The following RTN1 variants were observed in gnomAD, a reference collection of about 807,000 sequenced individuals.
The protein encoded by RTN1 is reticulon-1.
RTN1 carries 25 observed loss-of-function variants against 65.5 expected under a neutral mutation model. That is an observed-to-expected ratio of 0.38 (90% confidence interval 0.28 to 0.53). The LOEUF (loss-of-function observed/expected upper bound fraction) is 0.53, where lower values mean the gene tolerates loss of function less well. Ranked by LOEUF, RTN1 falls within the 20% of genes least tolerant of loss-of-function variation. The probability of loss-of-function intolerance (pLI) is 0.79; values close to 1 mark genes in which losing one functional copy is unlikely to be tolerated. For synonymous variants in RTN1, 471 were observed against 447.6 expected, an observed-to-expected ratio of 1.05 and a Z score of -0.66; for missense variants, 983 against 1,025.4, an observed-to-expected ratio of 0.96 and a Z score of 0.57.
chr14:59,667,668 T>G (rs1160053929), intron 3 of RTN1, among the ~76,000 whole-genome samples: 1 of 152,158 alleles, frequency 6.6e-6, no homozygotes, highest in East Asian at 1.9e-4. Flanking sequence ...GGAAGTCGAA[T>G]TGTCCCTGTT....
intron 4 of RTN1, among the ~76,000 whole-genome samples, chr14:59,606,729 T>C (rs562652083): frequency 2.0e-5 from 3 of 152,316 alleles, no homozygotes; most frequent in African/African-American, 7.2e-5. Context: ...TTGTATTTCC[T>C]CCTCTTCAAT....
chr14:59,690,404 C>A (rs1198495614), intron 3 of RTN1, among the ~76,000 whole-genome samples: 1 of 151,976 alleles, frequency 6.6e-6, no homozygotes, highest in Non-Finnish European at 1.5e-5. Flanking sequence ...GCTTAACTAT[C>A]CTAAATATAT....
chr14:59,718,187 A>G (rs1884576419), intron 3 of RTN1, among the ~76,000 whole-genome samples: 1 of 152,184 alleles, frequency 6.6e-6, no homozygotes, highest in African/African-American at 2.4e-5. Flanking sequence ...ATTTCAACCT[A>G]GGTCACTTAA....
At chr14:59,665,307 A>G (rs889679117) in intron 3 of RTN1, among the ~76,000 whole-genome samples, 3 of 152,162 alleles carry the variant, frequency 2.0e-5, no homozygotes, top group Admixed American at 2.0e-4. Flanking sequence ...AAAGAAAAGA[A>G]TTTTCAACCC....
At chr14:59,607,564 A>C in intron 3 of RTN1, 72 bp from the exon 4 acceptor site, 1 of 1,328,526 alleles carries the variant, frequency 7.5e-7, no homozygotes, top group Non-Finnish European at 1.1e-6. Flanking sequence ...GGCTCACTCC[A>C]CCAAGCTGTG....
chr14:59,600,728 A>AG (rs1446158621), intron 8 of RTN1, among the ~76,000 whole-genome samples: 1 of 152,234 alleles, frequency 6.6e-6, no homozygotes, highest in Non-Finnish European at 1.5e-5. Context: ...CCTAGCTACC[A>AG]GGAAATTCAG....
At chr14:59,867,706 G>A (rs1400328737) in intron 1 of RTN1, among the ~76,000 whole-genome samples, 1 of 152,150 alleles carries the variant, frequency 6.6e-6, no homozygotes, top group East Asian at 1.9e-4. Context: ...CAGAAAAACA[G>A]TTATTAAAAC....
intron 1 of RTN1, among the ~76,000 whole-genome samples, chr14:59,779,963 C>T (rs1453347007): frequency 3.3e-5 from 5 of 152,154 alleles, no homozygotes; most frequent in East Asian, 1.9e-4. Context: ...CCAGAATCAT[C>T]GAGTTTCCCT....
At chr14:59,612,792 G>A (rs1486684669) in intron 3 of RTN1, among the ~76,000 whole-genome samples, 1 of 152,170 alleles carries the variant, frequency 6.6e-6, no homozygotes, top group Non-Finnish European at 1.5e-5. Flanking sequence ...CAGGAATTTT[G>A]GGGTTCATGT....
chr14:59,627,118 G>C (rs1250946802), intron 3 of RTN1, among the ~76,000 whole-genome samples: 1 of 152,198 alleles, frequency 6.6e-6, no homozygotes, highest in African/African-American at 2.4e-5. Context: ...GTTAACTTCT[G>C]AGCCTCATAA....
At chr14:59,733,155 G>T (rs140028062) in intron 2 of RTN1, among the ~76,000 whole-genome samples, 1 of 151,574 alleles carries the variant, frequency 6.6e-6, no homozygotes, top group Admixed American at 6.6e-5. Flanking sequence ...GTAGTGGTGC[G>T]ATCCCTGCTC....
chr14:59,852,744 G>T (rs1037750027), intron 1 of RTN1, among the ~76,000 whole-genome samples: 9 of 152,172 alleles, frequency 5.9e-5, no homozygotes, highest in South Asian at 4.1e-4. Context: ...TCTGGAAAGA[G>T]TATGGCTTAG....
At chr14:59,752,655 C>T (rs1268473105) in intron 1 of RTN1, among the ~76,000 whole-genome samples, 1 of 152,096 alleles carries the variant, frequency 6.6e-6, no homozygotes, top group Non-Finnish European at 1.5e-5. Context: ...CTTCTTCTAA[C>T]CTGTCAGCTC....
intron 1 of RTN1, among the ~76,000 whole-genome samples, chr14:59,748,210 G>GTCTTT: frequency 7.9e-6 from 1 of 125,988 alleles, no homozygotes; most frequent in Non-Finnish European, 1.6e-5. Context: ...AGTCTGTGAG[G>GTCTTT]TTTTTTTTTT....
intron 3 of RTN1, among the ~76,000 whole-genome samples, chr14:59,612,705 T>A (rs929288795): frequency 6.6e-6 from 1 of 152,174 alleles, no homozygotes; most frequent in Admixed American, 6.5e-5. Context: ...AAAATTTCTG[T>A]CTTGTTTTGT....
At chr14:59,672,702 G>A (rs1399519825) in intron 3 of RTN1, among the ~76,000 whole-genome samples, 4 of 142,730 alleles carry the variant, frequency 2.8e-5, no homozygotes, top group Non-Finnish European at 1.5e-5. Flanking sequence ...CTGCAGTGGC[G>A]CAATCTCGGC....
intron 1 of RTN1, among the ~76,000 whole-genome samples, chr14:59,749,108 A>ATC (rs1566710757): frequency 1.8e-5 from 1 of 55,834 alleles, no homozygotes; most frequent in Admixed American, 2.4e-4. Context: ...ATATCTATAT[A>ATC]TATATATATA....
chr14:59,706,064 G>T (rs1004812095), intron 3 of RTN1, among the ~76,000 whole-genome samples: 1 of 152,186 alleles, frequency 6.6e-6, no homozygotes, highest in African/African-American at 2.4e-5. Context: ...AATCTACACT[G>T]GGCAGAGAAG....
At chr14:59,760,599 T>C (rs751713609) in intron 1 of RTN1, among the ~76,000 whole-genome samples, 2 of 152,232 alleles carry the variant, frequency 1.3e-5, no homozygotes, top group Non-Finnish European at 2.9e-5. Flanking sequence ...AGCTTCCTTC[T>C]TCCACATGAC....
Sources: allele counts gnomAD v4.1 joint callset (sites outside exome capture counted in the v4.1 genomes callset), GRCh38; gene constraint gnomAD v4.1.1; transcripts MANE v1.5; gene names NCBI Gene and HGNC (gene_info 2026-07-23, HGNC 2026-07-21).